The following TUSC3 variants were observed in gnomAD, a reference collection of about 807,000 sequenced individuals.
TUSC3 encodes dolichyl-diphosphooligosaccharide--protein glycosyltransferase subunit TUSC3.
TUSC3 carries 45 observed loss-of-function variants against 44.8 expected under a neutral mutation model. The observed-to-expected ratio is 1.00, with a 90% confidence interval of 0.79 to 1.29. TUSC3 has a LOEUF of 1.29. TUSC3 is among the 50% of genes most tolerant of loss of function. The pLI, the probability that TUSC3 is intolerant of heterozygous loss-of-function variation, is 0.00. For synonymous variants in TUSC3, 212 were observed against 152.9 expected (o/e 1.39, Z -2.85); for missense variants, 519 against 437.9 (o/e 1.19, Z -1.65).
the TUSC3 span, among the ~76,000 whole-genome samples, chr8:15,782,466 G>A: frequency 6.6e-6 from 1 of 152,124 alleles, no homozygotes; most frequent in African/African-American, 2.4e-5. Context: ...GTGACACAGT[G>A]AGACCCTGTC....
At chr8:15,463,902 G>T (rs1044507867) in intron 1 of TUSC3, among the ~76,000 whole-genome samples, 2 of 152,136 alleles carry the variant, frequency 1.3e-5, no homozygotes, top group African/African-American at 4.8e-5. Flanking sequence ...TTCCCATAGA[G>T]GTTTACTTGC....
intron 1 of TUSC3, among the ~76,000 whole-genome samples, chr8:15,584,928 T>G (rs912015784): frequency 2.0e-5 from 3 of 152,192 alleles, no homozygotes; most frequent in African/African-American, 4.8e-5. Context: ...TAGTTTATAT[T>G]GTAGGAGACA....
At chr8:15,839,771 T>G in the TUSC3 span, among the ~76,000 whole-genome samples, 342 of 152,300 alleles carry the variant, frequency 2.2e-3, 1 homozygote, top group African/African-American at 7.7e-3. Flanking sequence ...ACTTTTACAC[T>G]GTTGGTAGGA....
chr8:15,762,844 G>C (rs917551753), intron 10 of TUSC3, among the ~76,000 whole-genome samples: 5 of 152,018 alleles, frequency 3.3e-5, no homozygotes, highest in African/African-American at 1.2e-4. Context: ...GTGTTTTTAA[G>C]GATCATGCGG....
At chr8:15,835,612 A>C in the TUSC3 span, among the ~76,000 whole-genome samples, 4 of 151,134 alleles carry the variant, frequency 2.6e-5, no homozygotes, top group African/African-American at 7.4e-5. Flanking sequence ...TATTGTAACC[A>C]GACAATGTTG....
At chr8:15,757,662 G>C (rs571190711) in intron 9 of TUSC3, 129 bp from the exon 10 acceptor site, 1 of 1,189,426 alleles carries the variant, frequency 8.4e-7, no homozygotes. Context: ...AGGCACCATC[G>C]TCTATCCCCT....
chr8:15,792,150 T>C, the TUSC3 span, among the ~76,000 whole-genome samples: 3 of 151,650 alleles, frequency 2.0e-5, no homozygotes, highest in African/African-American at 7.3e-5. Context: ...ACACACCCTC[T>C]ACCCACCTTT....
At chr8:15,624,299 T>G (rs776305506) in intron 2 of TUSC3, among the ~76,000 whole-genome samples, 4 of 152,206 alleles carry the variant, frequency 2.6e-5, no homozygotes, top group African/African-American at 9.6e-5. Context: ...TGCAGGTTTT[T>G]ATGTGAACTT....
At chr8:15,732,901 G>A (rs1016615585) in intron 7 of TUSC3, among the ~76,000 whole-genome samples, 3 of 151,970 alleles carry the variant, frequency 2.0e-5, no homozygotes, top group African/African-American at 7.3e-5. Context: ...GGATACATAC[G>A]TGAAATTGGG....
chr8:15,736,711 C>G (rs1307284409), intron 7 of TUSC3, among the ~76,000 whole-genome samples: 1 of 152,124 alleles, frequency 6.6e-6, no homozygotes, highest in Non-Finnish European at 1.5e-5. Context: ...ACTGTCCTAA[C>G]TAATCTGCCT....
At chr8:15,685,285 G>C (rs1808584022) in intron 6 of TUSC3, among the ~76,000 whole-genome samples, 1 of 152,046 alleles carries the variant, frequency 6.6e-6, no homozygotes, top group Non-Finnish European at 1.5e-5. Context: ...CCTCAGGTCT[G>C]GTTCAGTACA....
At chr8:15,449,445 TG>T (rs898902768) in intron 1 of TUSC3, among the ~76,000 whole-genome samples, 3 of 152,130 alleles carry the variant, frequency 2.0e-5, no homozygotes, top group South Asian at 2.1e-4. Flanking sequence ...CACCCCGCCA[TG>T]GCTGGTGGTC....
At chr8:15,682,877 C>A (rs985543336) in intron 6 of TUSC3, among the ~76,000 whole-genome samples, 6 of 148,426 alleles carry the variant, frequency 4.0e-5, no homozygotes, top group Non-Finnish European at 6.0e-5. Flanking sequence ...GTGATTGATT[C>A]TCTGGGAAAG....
the TUSC3 span, among the ~76,000 whole-genome samples, chr8:15,839,154 CTGTT>C: frequency 1.5e-4 from 23 of 152,074 alleles, no homozygotes; most frequent in African/African-American, 5.3e-4. Flanking sequence ...ATTTGGCTCT[CTGTT>C]TGTCTGTTAT....
intron 1 of TUSC3, among the ~76,000 whole-genome samples, chr8:15,587,756 T>C (rs1460305871): frequency 6.6e-6 from 1 of 152,096 alleles, no homozygotes; most frequent in Non-Finnish European, 1.5e-5. Context: ...CTAATAACCA[T>C]AATTCTACTC....
chr8:15,676,099 G>A (rs1323514986), intron 6 of TUSC3, among the ~76,000 whole-genome samples: 2 of 152,026 alleles, frequency 1.3e-5, no homozygotes, highest in African/African-American at 4.8e-5. Flanking sequence ...CATCTATTAT[G>A]TTTTGACTTT....
chr8:15,459,391 T>C (rs1290454357), intron 1 of TUSC3, among the ~76,000 whole-genome samples: 2 of 152,120 alleles, frequency 1.3e-5, no homozygotes, highest in Non-Finnish European at 2.9e-5. Context: ...TTTTTGACAT[T>C]AATTTTTTTT....
At chr8:15,663,063 C>T (rs957053152) in intron 5 of TUSC3, among the ~76,000 whole-genome samples, 7 of 151,782 alleles carry the variant, frequency 4.6e-5, no homozygotes, top group Admixed American at 3.9e-4. Context: ...GTTCCCAGCT[C>T]ACAGCCAATA....
chr8:15,764,190 CT>C lies in TUSC3; in HGVS notation c.*47-10del. The C allele has an allele frequency of 6.2e-7, 1 of 1,600,914 alleles. No individual in the cohort carries two copies. Among genetic ancestry groups the C allele is most frequent in the Non-Finnish European group, 8.5e-7 (1 of 1,169,682 alleles). ...TCTATGTTCAGCACATAATAATTTTCTTTCTTTTTCAGCTTTTTAATTAAAT... is the reference window on the plus strand; with the variant it reads ...TCTATGTTCAGCACATAATAATTTTCTTCTTTTTCAGCTTTTTAATTAAAT... On this transcript the variant is annotated splice_polypyrimidine_tract_variant and intron_variant, in intron 10 of 10. Transcript: ENST00000503731.
Sources: gnomAD v4.1 joint callset for allele counts (sites outside exome capture counted in the v4.1 genomes callset) on GRCh38, gnomAD v4.1.1 for gene constraint, MANE v1.5 for transcripts, NCBI Gene and HGNC (gene_info 2026-07-23, HGNC 2026-07-21) for gene names.